Variants in CFAP20DC observed in about 807,000 individuals in gnomAD.
CFAP20DC encodes protein CFAP20DC.
Under a neutral mutation model 101.7 loss-of-function variants are expected in CFAP20DC, and 84 were observed. That is an observed-to-expected ratio of 0.83 (90% CI 0.69 to 0.99). CFAP20DC has a LOEUF of 0.99. CFAP20DC is among the 50% of genes least tolerant of loss of function. The pLI is 0.00. For synonymous variants in CFAP20DC, 359 were observed against 351.2 expected, an observed-to-expected ratio of 1.02 and a Z score of -0.25; for missense variants, 1,007 against 970.3, an observed-to-expected ratio of 1.04 and a Z score of -0.50.
chr3:58,922,165 T>C (rs1483022084), intron 5 of CFAP20DC, among the ~76,000 whole-genome samples: 1 of 152,254 alleles, frequency 6.6e-6, no homozygotes, highest in East Asian at 1.9e-4. Flanking sequence ...TGCCTTTTAA[T>C]TGGAGCATTT....
At chr3:58,800,596 G>A (rs898059404) in intron 15 of CFAP20DC, among the ~76,000 whole-genome samples, 10 of 152,168 alleles carry the variant, frequency 6.6e-5, no homozygotes, top group Admixed American at 1.3e-4. Flanking sequence ...GTCAGGACTG[G>A]AGATATAAAT....
chr3:59,009,950 T>C (rs2108848010), intron 4 of CFAP20DC, among the ~76,000 whole-genome samples: 1 of 152,216 alleles, frequency 6.6e-6, no homozygotes, highest in Non-Finnish European at 1.5e-5. Flanking sequence ...TTGTATCTGG[T>C]GAAACTAAGC....
intron 4 of CFAP20DC, among the ~76,000 whole-genome samples, chr3:58,978,293 G>A (rs549107954): frequency 7.9e-5 from 12 of 152,030 alleles, no homozygotes; most frequent in African/African-American, 1.9e-4. Context: ...TTCTTTCTAC[G>A]CGTCAAGAGA....
At position 58,831,689 on chromosome 3, in the gene CFAP20DC, TG is replaced by T; in HGVS notation, c.2171del (p.Pro724HisfsTer14). 1 of 1,613,554 alleles carries T rather than the reference TG, an allele frequency of 6.2e-7. No homozygotes were observed. The highest frequency in any genetic ancestry group is 1.1e-5 in the South Asian group (1 of 91,050). Reference protein sequence around the residue: ...DDTTTWNSCLPPPVNQGRHYQ... With the variant: ...DDTTTWNSCLXPPVNQGRHYQ... ...AGCTGCAAAGCCAGGGACTCACGGG[TG>T]GCAGGCAGGAGTTCCAGGTGGTTGT... On this transcript the variant is annotated frameshift_variant, in exon 14 of 17. Coordinates refer to ENST00000482387, the MANE Select transcript of CFAP20DC (RefSeq NM_001394063.1). LOFTEE classifies it high-confidence loss of function.
intron 6 of CFAP20DC, among the ~76,000 whole-genome samples, chr3:58,905,940 C>T (rs1290584526): frequency 1.3e-5 from 2 of 152,168 alleles, no homozygotes; most frequent in South Asian, 2.1e-4. Flanking sequence ...TCTACCAGCA[C>T]ATGAGAAGCA....
At chr3:58,809,349 T>C (rs2074402078) in intron 14 of CFAP20DC, among the ~76,000 whole-genome samples, 1 of 152,068 alleles carries the variant, frequency 6.6e-6, no homozygotes, top group Non-Finnish European at 1.5e-5. Context: ...TATAATAAAT[T>C]GTCTCTCAGA....
intron 15 of CFAP20DC, among the ~76,000 whole-genome samples, chr3:58,755,656 A>C (rs773494308): frequency 8.5e-5 from 13 of 152,190 alleles, no homozygotes; most frequent in Non-Finnish European, 1.3e-4. Flanking sequence ...CTAGCTATGA[A>C]AAATACAGGG....
chr3:58,865,087 C>CT (rs151128888), intron 11 of CFAP20DC, among the ~76,000 whole-genome samples: 6,484 of 134,810 alleles, frequency 0.048, 460 homozygotes, highest in African/African-American at 0.17. Flanking sequence ...TCAATGTAGT[C>CT]TTTTTTTTTT....
chr3:58,844,567 A>C (rs1444744604), intron 13 of CFAP20DC, among the ~76,000 whole-genome samples: 6 of 130,204 alleles, frequency 4.6e-5, no homozygotes, highest in Admixed American at 2.2e-4. Flanking sequence ...ATAATGGGAG[A>C]CTTTAACACC....
intron 15 of CFAP20DC, among the ~76,000 whole-genome samples, chr3:58,802,242 CAATAGATGGCATTTTAA>C (rs2073763210): frequency 6.6e-6 from 1 of 152,172 alleles, no homozygotes; most frequent in East Asian, 1.9e-4. Flanking sequence ...CCCCACAAAC[CAATAGATGGCATTTTAA>C]AATAAATGAC....
intron 6 of CFAP20DC, among the ~76,000 whole-genome samples, chr3:58,891,189 G>A (rs551294637): frequency 2.8e-3 from 405 of 145,296 alleles, no homozygotes; most frequent in African/African-American, 9.5e-3. Context: ...TTGGGAGGCC[G>A]AGGCTGGCGG....
At chr3:58,880,503 A>T (rs1341112973) in intron 7 of CFAP20DC, among the ~76,000 whole-genome samples, 1 of 152,190 alleles carries the variant, frequency 6.6e-6, no homozygotes, top group Non-Finnish European at 1.5e-5. Context: ...CAATGTAGTC[A>T]TAAATATCTA....
chr3:58,956,591 C>A (rs540675490), intron 4 of CFAP20DC, among the ~76,000 whole-genome samples: 1 of 152,122 alleles, frequency 6.6e-6, no homozygotes, highest in African/African-American at 2.4e-5. Context: ...TGGACTGGCA[C>A]AGAACATGGA....
At position 58,934,289 on chromosome 3, in the gene CFAP20DC, T is replaced by C. The variant is rs1463124521; in HGVS notation, c.393+3359A>G. ...ATTGTGGCAATAATCAATAGCTTACTAACGAAAAAGAGTCCAGGACCAGAT... is the reference window on the plus strand; with the variant it reads ...ATTGTGGCAATAATCAATAGCTTACCAACGAAAAAGAGTCCAGGACCAGAT... On this transcript the variant is annotated intron_variant, in intron 5 of 16. Coordinates refer to ENST00000482387, the MANE Select transcript of CFAP20DC (RefSeq NM_001394063.1). 1.6e-4 allele frequency among the ~76,000 whole-genome samples: 25 copies of C among 152,152 alleles called. No individual in the cohort carries two copies. In the East Asian group the frequency reaches 2.1e-3, roughly 13 times the overall value.
intron 4 of CFAP20DC, among the ~76,000 whole-genome samples, chr3:59,023,270 T>A (rs1225777592): frequency 6.6e-6 from 1 of 151,914 alleles, no homozygotes; most frequent in Admixed American, 6.6e-5. Context: ...AGACCAACCA[T>A]GCACAGAGAA....
intron 10 of CFAP20DC, 54 bp from the exon 11 acceptor site, chr3:58,866,742 G>T: frequency 3.3e-6 from 4 of 1,208,880 alleles, no homozygotes; most frequent in Non-Finnish European, 4.7e-6. Context: ...TTTATAAAAA[G>T]TAATTTTAGA....
At chr3:58,841,084 G>A (rs1019106194) in intron 13 of CFAP20DC, among the ~76,000 whole-genome samples, 1 of 152,202 alleles carries the variant, frequency 6.6e-6, no homozygotes, top group Non-Finnish European at 1.5e-5. Context: ...TGAGGCCAGT[G>A]GGCACATGTG....
At chr3:58,998,778 T>C (rs991463607) in intron 4 of CFAP20DC, among the ~76,000 whole-genome samples, 3 of 152,178 alleles carry the variant, frequency 2.0e-5, no homozygotes, top group East Asian at 3.8e-4. Flanking sequence ...CTCTGCACCG[T>C]AGAATGAAAA....
Position 58,721,413 on chromosome 3 carries a change from A to G in CFAP20DC, c.198-3785T>C, listed in dbSNP as rs1251023452. On this transcript the variant is annotated intron_variant, in intron 3 of 3. Transcript: ENST00000486145. The surrounding 1 kb of genome is among the most constrained non-coding windows in gnomAD (Gnocchi z 5.2). ...TTAAAAATTACAACCATGATAGGGT[A>G]CCTAGTGCTATGAATATTTATTCCA... Among the ~76,000 whole-genome samples, 1 of 135,002 alleles carries G rather than the reference A, an allele frequency of 7.4e-6. No individual in the cohort carries two copies. The highest frequency in any genetic ancestry group is 1.6e-5 in the Non-Finnish European group (1 of 63,758). The allele number at this position is 135,002 out of a possible 152,430, so 88.6% of individuals were successfully genotyped here. A position where few individuals can be genotyped will look rare whatever the true frequency, so the allele number is the denominator to read the frequency against.
Sources: gnomAD v4.1 joint callset for allele counts (sites outside exome capture counted in the v4.1 genomes callset) on GRCh38, gnomAD v4.1.1 for gene constraint, Gnocchi (gnomAD v3.1) non-coding constraint, MANE v1.5 for transcripts, NCBI Gene and HGNC (gene_info 2026-07-23, HGNC 2026-07-21) for gene names.